The following MGAM variants were observed in gnomAD, a reference collection of about 807,000 sequenced individuals.
The protein encoded by MGAM is alpha-1,4-glucosidase.
A neutral mutation model predicts 358.8 loss-of-function variants in MGAM; 253 were observed. The ratio of observed to expected loss-of-function variants is 0.71; its 90% CI spans 0.64 to 0.78. The LOEUF (loss-of-function observed/expected upper bound fraction) is 0.78. MGAM is among the 30% of genes least tolerant of loss of function. The pLI is 0.00. For missense variants in MGAM, 3,080 were observed against 3,432.6 expected (o/e 0.90, Z 2.57); for synonymous variants, 1,105 against 1,227.1 (o/e 0.90, Z 2.08).
At chr7:142,021,171 T>G in intron 5 of MGAM, 88 bp downstream of exon 5, 1 of 917,208 alleles carries the variant, frequency 1.1e-6, no homozygotes, top group East Asian at 2.6e-5. Flanking sequence ...ATAGAAAATT[T>G]TGCTACTGGA....
At chr7:142,033,779 A>G (rs984798815) in intron 14 of MGAM, among the ~76,000 whole-genome samples, 6 of 152,210 alleles carry the variant, frequency 3.9e-5, no homozygotes, top group African/African-American at 1.4e-4. Flanking sequence ...AGCTACTGCA[A>G]TAGTTAAGAT....
intron 22 of MGAM, among the ~76,000 whole-genome samples, chr7:142,049,209 A>G (rs1403779489): frequency 6.6e-6 from 1 of 151,950 alleles, no homozygotes; most frequent in African/African-American, 2.4e-5. Context: ...TTATGTCTGA[A>G]TAATATTCTA....
intron 59 of MGAM, among the ~76,000 whole-genome samples, chr7:142,092,852 C>T (rs1316538471): frequency 1.4e-5 from 2 of 146,458 alleles, no homozygotes; most frequent in African/African-American, 4.9e-5. Flanking sequence ...GTCATGCCAC[C>T]AAAGGGTTCT....
intron 1 of MGAM, among the ~76,000 whole-genome samples, chr7:141,999,545 T>G (rs1804565179): frequency 6.6e-6 from 1 of 152,204 alleles, no homozygotes; most frequent in Non-Finnish European, 1.5e-5. Flanking sequence ...AAAGTGAGGA[T>G]AGTAGCCATG....
rs1323535969 is a variant in MGAM at position 142,065,933 on chromosome 7, A to T, written c.4770+102A>T. ...AGTCTCTATTTCCTGGGATATCTTTAAAAAAAGGTGTTTTTTTTTGTTTTG... is the reference window on the plus strand; with the variant it reads ...AGTCTCTATTTCCTGGGATATCTTTTAAAAAAGGTGTTTTTTTTTGTTTTG... On this transcript the variant is annotated intron_variant, in intron 40 of 70. Coordinates refer to ENST00000475668, the MANE Select transcript of MGAM (RefSeq NM_001365693.1). The T allele has an allele frequency of 6.6e-5, 67 of 1,009,894 alleles. 7 individuals carry two copies. Among genetic ancestry groups the T allele is most frequent in the African/African-American group, 1.6e-4 (10 of 62,594 alleles). 62.6% of individuals were successfully genotyped at this position (1,009,894 alleles called of 1,614,324 possible). A position where few individuals can be genotyped will look rare whatever the true frequency, so the allele number is the denominator to read the frequency against.
intron 53 of MGAM, among the ~76,000 whole-genome samples, chr7:142,084,131 G>A (rs1180701131): frequency 6.8e-6 from 1 of 146,156 alleles, no homozygotes; most frequent in Admixed American, 6.9e-5. Context: ...TGAGGGAGAT[G>A]CTATTATTAT....
chr7:142,005,022 A>C (rs1418275328), intron 1 of MGAM, among the ~76,000 whole-genome samples: 1 of 152,100 alleles, frequency 6.6e-6, no homozygotes, highest in African/African-American at 2.4e-5. Flanking sequence ...AGATGTAATC[A>C]ACAAAATTCA....
At chr7:142,053,481 T>C (rs1463801546) in intron 26 of MGAM, among the ~76,000 whole-genome samples, 2 of 152,180 alleles carry the variant, frequency 1.3e-5, no homozygotes, top group African/African-American at 4.8e-5. Flanking sequence ...GCTTGATCAA[T>C]GTAAGATGAT....
rs1812802009 is a variant in MGAM, at chr7:142,066,782, C to G, written c.4919+61C>G. 11 of 1,498,276 alleles carry G rather than the reference C, an allele frequency of 7.3e-6. 2 individuals are homozygous for G. Among genetic ancestry groups the G allele is most frequent in the African/African-American group, 1.4e-5 (1 of 73,734 alleles). 92.8% of individuals were successfully genotyped at this position (1,498,276 alleles called of 1,614,324 possible). On this transcript the variant is annotated intron_variant, in intron 41 of 70. Transcript: ENST00000475668. ...TGACTTATTGCATTCTATGTGGTAG[C>G]AGTTGATATACACAACGCTTCCAAA...
rs766250572 is a variant in MGAM at position 142,047,853 on chromosome 7, G to T, written c.2567G>T (p.Trp856Leu). Residue 856 changes from tryptophan (W) to leucine (L), a missense_variant, in exon 22 of 71, where the codon TGG becomes TTG. Trp to Leu is a moderately conservative substitution (Grantham distance 61, BLOSUM62 -2). This residue lies in a region of MGAM where 1,816 missense variants were observed against 1,840.5 expected (regional missense o/e 0.99). Transcript: ENST00000475668. The part of the protein sequence containing the change: ...ENKEAKGELF[W>L]DNGETKDTVA... Reference sequence around the variant, plus strand: ...AAAGAAGCAAAAGGAGAACTTTTCTGGGATAATGGGGAAACGAAGGGTGAG... The same window carrying T: ...AAAGAAGCAAAAGGAGAACTTTTCTTGGATAATGGGGAAACGAAGGGTGAG... 1 of 1,609,482 alleles carries T rather than the reference G, an allele frequency of 6.2e-7. No homozygotes were observed. Among genetic ancestry groups the T allele is most frequent in the Non-Finnish European group, 8.5e-7 (1 of 1,176,138 alleles).
At chr7:142,028,211 A>G (rs1807146484) in intron 10 of MGAM, among the ~76,000 whole-genome samples, 2 of 152,174 alleles carry the variant, frequency 1.3e-5, no homozygotes. Flanking sequence ...AAGTTGTATC[A>G]TATTTTCAGA....
intron 23 of MGAM, 101 bp from the exon 24 acceptor site, chr7:142,050,596 G>A: frequency 8.2e-7 from 1 of 1,212,574 alleles, no homozygotes; most frequent in Non-Finnish European, 1.2e-6. Context: ...GGCATTTATG[G>A]CAGTGGGGGG....
intron 3 of MGAM, among the ~76,000 whole-genome samples, chr7:142,012,423 G>A (rs540411123): frequency 1.3e-5 from 2 of 152,182 alleles, no homozygotes; most frequent in South Asian, 4.2e-4. Flanking sequence ...TCTGGGAGGA[G>A]GCTTCATGGC....
intron 21 of MGAM, among the ~76,000 whole-genome samples, chr7:142,041,909 A>AT (rs1406488872): frequency 7.9e-5 from 3 of 37,792 alleles, no homozygotes; most frequent in African/African-American, 4.1e-4. Flanking sequence ...TATATATTAT[A>AT]TATATACGTA....
intron 22 of MGAM, 129 bp downstream of exon 22, chr7:142,048,002 T>G (rs1810548751): frequency 2.7e-6 from 2 of 749,318 alleles, no homozygotes; most frequent in Non-Finnish European, 4.4e-6. Context: ...ACTTAAGTAT[T>G]TTGTTTCTGG....
intron 66 of MGAM, among the ~76,000 whole-genome samples, chr7:142,097,875 G>A (rs1216137858): frequency 1.3e-5 from 2 of 152,042 alleles, no homozygotes; most frequent in Non-Finnish European, 2.9e-5. Context: ...TCTCACTCAG[G>A]TTTTTCGTGG....
At chr7:142,053,160 T>C (rs1435498214) in intron 26 of MGAM, among the ~76,000 whole-genome samples, 176 bp downstream of exon 26, 2 of 152,034 alleles carry the variant, frequency 1.3e-5, no homozygotes, top group African/African-American at 4.8e-5. Flanking sequence ...TAATTTTCAT[T>C]TGGAAAAGAT....
intron 3 of MGAM, among the ~76,000 whole-genome samples, chr7:142,010,991 G>T (rs1382568170): frequency 2.6e-5 from 4 of 152,148 alleles, no homozygotes; most frequent in Non-Finnish European, 5.9e-5. Flanking sequence ...GGAAAGAAAT[G>T]ATAGTTAATA....
At chr7:142,045,251 GAT>G (rs1772377928) in intron 21 of MGAM, among the ~76,000 whole-genome samples, 2 of 67,840 alleles carry the variant, frequency 2.9e-5, no homozygotes, top group African/African-American at 5.5e-5. Flanking sequence ...TATAATATAT[GAT>G]ATATAATATA....
Sources: allele counts gnomAD v4.1 joint callset (sites outside exome capture counted in the v4.1 genomes callset), GRCh38; gene constraint gnomAD v4.1.1; regional missense constraint gnomAD v4.1.1; transcripts MANE v1.5; gene names NCBI Gene and HGNC (gene_info 2026-07-23, HGNC 2026-07-21).